The following SIPA1L3 variants were observed in gnomAD, a reference collection of about 807,000 sequenced individuals.
SIPA1L3 encodes signal-induced proliferation-associated 1-like protein 3.
A neutral mutation model predicts 150.1 loss-of-function variants in SIPA1L3; 59 were observed. The ratio of observed to expected loss-of-function variants is 0.39; its 90% CI spans 0.32 to 0.49. The LOEUF is 0.49. Ranked by LOEUF, SIPA1L3 falls within the 20% of genes least tolerant of loss-of-function variation. The probability of loss-of-function intolerance (pLI) is 0.86; values close to 1 mark genes in which losing one functional copy is unlikely to be tolerated. For missense variants in SIPA1L3, 2,211 were observed against 2,489.5 expected, an observed-to-expected ratio of 0.89 and a Z score of 2.38; for synonymous variants, 1,070 against 1,077.6, an observed-to-expected ratio of 0.99 and a Z score of 0.14.
chr19:38,099,663 T>G (rs900681250), intron 4 of SIPA1L3, among the ~76,000 whole-genome samples: 1 of 151,974 alleles, frequency 6.6e-6, no homozygotes, highest in African/African-American at 2.4e-5. Flanking sequence ...CAAATGAAGG[T>G]AGTTTACATT....
chr19:38,116,293 A>G (rs2145888487), intron 8 of SIPA1L3, among the ~76,000 whole-genome samples: 1 of 151,688 alleles, frequency 6.6e-6, no homozygotes, highest in African/African-American at 2.4e-5. Context: ...GCGGATCATG[A>G]GGTCAGGAGT....
intron 1 of SIPA1L3, among the ~76,000 whole-genome samples, chr19:37,996,073 C>G (rs538220607): frequency 2.8e-4 from 43 of 152,176 alleles, no homozygotes; most frequent in Non-Finnish European, 5.7e-4. Context: ...ACCACCACAC[C>G]TGGCTGATTT....
intron 1 of SIPA1L3, among the ~76,000 whole-genome samples, chr19:37,966,397 A>G (rs546435966): frequency 4.5e-4 from 69 of 152,226 alleles, no homozygotes; most frequent in African/African-American, 1.6e-3. Context: ...CCTTTCCTCC[A>G]TGTGTGGAGA....
At chr19:37,908,181 C>T (rs1027429611) in intron 1 of SIPA1L3, among the ~76,000 whole-genome samples, 1 of 152,086 alleles carries the variant, frequency 6.6e-6, no homozygotes, top group Non-Finnish European at 1.5e-5. Context: ...GGGTGGGGCT[C>T]TGGCCGTAGT....
At chr19:37,948,450 G>A (rs933655561) in intron 1 of SIPA1L3, among the ~76,000 whole-genome samples, 5 of 151,352 alleles carry the variant, frequency 3.3e-5, no homozygotes, top group South Asian at 4.2e-4. Context: ...CTGGGCAGCA[G>A]AGTGAGACCC....
chr19:38,000,674 CTT>C (rs35100127), intron 1 of SIPA1L3, among the ~76,000 whole-genome samples: 1 of 132,646 alleles, frequency 7.5e-6, no homozygotes, highest in Non-Finnish European at 1.6e-5. Context: ...GGGCAAAAGA[CTT>C]TTTTTTTTTT....
At chr19:38,135,653 A>T (rs1008903815) in intron 10 of SIPA1L3, among the ~76,000 whole-genome samples, 1 of 152,140 alleles carries the variant, frequency 6.6e-6, no homozygotes, top group Non-Finnish European at 1.5e-5. Flanking sequence ...CAGACAGAGG[A>T]GTTCTTCTCC....
In SIPA1L3 at chr19:38,119,507, CTG is replaced by C. The variant is rs1239710171; in HGVS notation, c.2497_2498del (p.Val833LeufsTer31). 6.2e-7 allele frequency: 1 copy of C among 1,614,078 alleles called. No individual in the cohort carries two copies. ...AGTATCTCAAGGACCTGGCCGAAAA[CTG>C]TGTCTCCAACACCCCCATCGACTCC... ...QEYLKDLAENCVSNTPIDSTG... is the reference protein window; with the variant it reads ...QEYLKDLAENXVSNTPIDSTG... On this transcript the variant is annotated frameshift_variant, in exon 9 of 22. Coordinates refer to ENST00000222345, the MANE Select transcript of SIPA1L3 (RefSeq NM_015073.3). LOFTEE classifies it high-confidence loss of function.
chr19:38,163,347 A>G (rs1245516408), intron 14 of SIPA1L3, among the ~76,000 whole-genome samples: 1 of 152,020 alleles, frequency 6.6e-6, no homozygotes, highest in Admixed American at 6.6e-5. Flanking sequence ...AAAATTAGCC[A>G]GGCGTGGTGG....
At chr19:38,004,687 T>C (rs190594761) in intron 1 of SIPA1L3, among the ~76,000 whole-genome samples, 3 of 152,272 alleles carry the variant, frequency 2.0e-5, no homozygotes, top group Non-Finnish European at 4.4e-5. Context: ...TCATGTGATC[T>C]TCCCCGAACC....
intron 2 of SIPA1L3, among the ~76,000 whole-genome samples, chr19:38,063,681 A>AC (rs1969505027): frequency 6.6e-6 from 1 of 152,104 alleles, no homozygotes. Context: ...TAAGTATTTA[A>AC]CCATCAGTCT....
At chr19:38,192,452 C>A in intron 17 of SIPA1L3, 142 bp downstream of exon 17, 1 of 741,964 alleles carries the variant, frequency 1.3e-6, no homozygotes, top group South Asian at 2.0e-5. Flanking sequence ...ATCTGCCAGT[C>A]CTGTTGGGGG....
intron 15 of SIPA1L3, chr19:38,173,679 T>A (rs1972377947): frequency 1.3e-5 from 2 of 152,306 alleles, no homozygotes; most frequent in African/African-American, 4.8e-5. Context: ...AAAGGTAATC[T>A]GAGGGCCTGA....
At chr19:37,925,813 C>G (rs28460297) in intron 1 of SIPA1L3, among the ~76,000 whole-genome samples, 57,480 of 151,844 alleles carry the variant, frequency 0.38, 13,712 homozygotes, top group East Asian at 0.71. Context: ...AGGATGGTCT[C>G]AAACTCTTGA....
At chr19:37,976,915 G>GCCTCAACCTCTTGGGTTCAGGTGAT (rs1967091741) in intron 1 of SIPA1L3, among the ~76,000 whole-genome samples, 1 of 152,138 alleles carries the variant, frequency 6.6e-6, no homozygotes, top group Admixed American at 6.5e-5. Flanking sequence ...GCTCACTGCA[G>GCCTCAACCTCTTGGGTTCAGGTGAT]CCTCAACCTC....
chr19:37,952,361 AG>A (rs1205484299), intron 1 of SIPA1L3, among the ~76,000 whole-genome samples: 7 of 150,220 alleles, frequency 4.7e-5, no homozygotes, highest in African/African-American at 1.7e-4. Flanking sequence ...AGTGGACCCT[AG>A]AATCTATATT....
At chr19:37,997,717 A>C (rs1005413000) in intron 1 of SIPA1L3, among the ~76,000 whole-genome samples, 1 of 151,326 alleles carries the variant, frequency 6.6e-6, no homozygotes, top group Admixed American at 6.6e-5. Flanking sequence ...AAATACAAAA[A>C]TTATCTGGGC....
At chr19:38,205,053 C>T (rs897115403) in intron 21 of SIPA1L3, among the ~76,000 whole-genome samples, 1 of 152,206 alleles carries the variant, frequency 6.6e-6, no homozygotes, top group Admixed American at 6.5e-5. Flanking sequence ...CGAGCTGCAG[C>T]AGTGTTGTCT....
chr19:38,158,759 T>C (rs944360774), intron 13 of SIPA1L3, among the ~76,000 whole-genome samples: 9 of 152,192 alleles, frequency 5.9e-5, no homozygotes, highest in African/African-American at 2.2e-4. Context: ...CCACAGCAGC[T>C]GAAAGGAGAA....
Sources: gnomAD v4.1 joint callset for allele counts (sites outside exome capture counted in the v4.1 genomes callset) on GRCh38, gnomAD v4.1.1 for gene constraint, MANE v1.5 for transcripts, NCBI Gene and HGNC (gene_info 2026-07-23, HGNC 2026-07-21) for gene names.